Variants in ARSF observed in about 807,000 individuals in gnomAD.
ARSF encodes arylsulfatase F.
ARSF carries 33 observed loss-of-function variants against 35.4 expected under a neutral mutation model. That is an observed-to-expected ratio of 0.93 (90% CI 0.71 to 1.25). The LOEUF is 1.25. ARSF is among the 50% of genes most tolerant of loss of function. The pLI is 0.00. For synonymous variants in ARSF, 222 were observed against 193.1 expected, an observed-to-expected ratio of 1.15 and a Z score of -1.24; for missense variants, 501 against 480.2, an observed-to-expected ratio of 1.04 and a Z score of -0.40.
intron 9 of ARSF, among the ~76,000 whole-genome samples, 190 bp downstream of exon 9, chrX:3,104,114 T>C (rs1427260299): frequency 8.9e-6 from 1 of 111,925 alleles, no homozygotes; most frequent in East Asian, 2.8e-4. Context: ...TTTTTTTCTA[T>C]TGAGGTAAAA....
intron 1 of ARSF, among the ~76,000 whole-genome samples, chrX:3,050,262 G>A (rs2089991360): frequency 9.0e-6 from 1 of 111,199 alleles, no homozygotes; most frequent in Admixed American, 9.7e-5. Flanking sequence ...GAAAAATTGA[G>A]GCTGGGCATG....
intron 7 of ARSF, among the ~76,000 whole-genome samples, chrX:3,096,635 C>T (rs986556058): frequency 5.4e-5 from 6 of 111,694 alleles, no homozygotes; most frequent in African/African-American, 2.0e-4. Flanking sequence ...AAAAAGATAA[C>T]TACAAAAATT....
At chrX:3,086,900 C>CA (rs2090252793) in intron 6 of ARSF, among the ~76,000 whole-genome samples, 1 of 111,729 alleles carries the variant, frequency 9.0e-6, no homozygotes, top group South Asian at 3.8e-4. Flanking sequence ...GTAAGAAATC[C>CA]AAAATTAAAC....
chrX:3,079,622 G>C (rs1282124686), intron 4 of ARSF, among the ~76,000 whole-genome samples: 1 of 109,696 alleles, frequency 9.1e-6, no homozygotes, highest in Non-Finnish European at 1.9e-5. Flanking sequence ...GGGATTACAG[G>C]TGCGAGTCAC....
chrX:3,107,836 CT>C (rs1228956560), intron 9 of ARSF, among the ~76,000 whole-genome samples: 8 of 110,935 alleles, frequency 7.2e-5, no homozygotes, highest in South Asian at 7.5e-4. Flanking sequence ...GCTAATTTAT[CT>C]TTTTTTCTTT....
At chrX:3,084,980 T>A (rs1213861242) in intron 6 of ARSF, among the ~76,000 whole-genome samples, 1 of 111,249 alleles carries the variant, frequency 9.0e-6, no homozygotes, top group East Asian at 2.8e-4. Flanking sequence ...TAATAGGGGA[T>A]GATGGTATTA....
At chrX:3,110,295 G>T (rs773508160) in intron 10 of ARSF, 43 bp downstream of exon 10, 6 of 1,105,203 alleles carry the variant, frequency 5.4e-6, no homozygotes, top group Non-Finnish European at 6.0e-6. Context: ...GCCAGGAGCA[G>T]GGTCACTCAG....
chrX:3,085,328 T>C (rs2090239829), intron 6 of ARSF, among the ~76,000 whole-genome samples: 1 of 107,124 alleles, frequency 9.3e-6, no homozygotes, highest in African/African-American at 3.4e-5. Flanking sequence ...TTTTATAATA[T>C]TTTTTGTCTG....
intron 3 of ARSF, 104 bp downstream of exon 3, chrX:3,072,279 CT>C (rs201026706): frequency 5.7e-5 from 48 of 847,424 alleles, no homozygotes; most frequent in Admixed American, 7.0e-5. Flanking sequence ...TTTGTTGGGA[CT>C]TTTTTTTAAG....
At chrX:3,045,616 C>T (rs1274456159) in intron 1 of ARSF, among the ~76,000 whole-genome samples, 2 of 103,645 alleles carry the variant, frequency 1.9e-5, no homozygotes, top group Non-Finnish European at 3.9e-5. Context: ...AGTGCAATGG[C>T]GCCATCTCGG....
rs1466262989 is a variant in ARSF, at chrX:3,075,498, ATC to A, written c.162-1040_162-1039del. Among the ~76,000 whole-genome samples the A allele has an allele frequency of 1.3e-4, 11 of 83,854 alleles. No homozygotes were observed. In the East Asian group the frequency reaches 4.1e-3, roughly 31 times the overall value. 72.8% of individuals were successfully genotyped at this position (83,854 alleles called of 115,157 possible). On this transcript the variant is annotated intron_variant, in intron 3 of 10. Coordinates refer to ENST00000381127, the MANE Select transcript of ARSF (RefSeq NM_001201539.2). Reference sequence around the variant, plus strand: ...CCTCTCTGTCTGCTTGTCTCTTTCTATCTCTCTCTCTGTCTCTCTCTGTCTCC... The same window carrying A: ...CCTCTCTGTCTGCTTGTCTCTTTCTATCTCTCTCTGTCTCTCTCTGTCTCC...
intron 9 of ARSF, among the ~76,000 whole-genome samples, chrX:3,104,251 C>T (rs1051790953): frequency 1.7e-4 from 19 of 110,950 alleles, no homozygotes; most frequent in African/African-American, 5.9e-4. Context: ...CACTATTCTA[C>T]TTTCTATCTT....
In ARSF at chrX:3,101,231, G is replaced by A. The variant is rs749245807; in HGVS notation, c.1102+10G>A. On this transcript the variant is annotated intron_variant, in intron 8 of 10. Coordinates refer to ENST00000381127, the MANE Select transcript of ARSF (RefSeq NM_001201539.2). ...AATGGAATATACAAAGGTGAGGAGA[G>A]GAACTCATGCAAGTGATCTGGTGGT... 4.2e-6 allele frequency: 5 copies of A among 1,202,294 alleles called. No homozygotes were observed. In the African/African-American group the frequency reaches 5.3e-5, roughly 13 times the overall value.
chrX:3,106,248 G>C (rs1428926926), intron 9 of ARSF, among the ~76,000 whole-genome samples: 1 of 112,189 alleles, frequency 8.9e-6, no homozygotes, highest in East Asian at 2.8e-4. Flanking sequence ...CTAAGGCACT[G>C]TGGTGGGAGA....
upstream of ARSF, among the ~76,000 whole-genome samples, chrX:3,040,238 A>G (rs1039284775): frequency 4.5e-5 from 5 of 110,820 alleles, no homozygotes; most frequent in Non-Finnish European, 9.4e-5. Context: ...GGGCCTCAGA[A>G]AAGACTCAGA....
At chrX:3,110,342 C>A in intron 10 of ARSF, 90 bp downstream of exon 10, 1 of 926,667 alleles carries the variant, frequency 1.1e-6, no homozygotes, top group Non-Finnish European at 1.4e-6. Context: ...CCTCTCTAGA[C>A]CGGTCCTTTC....
chrX:3,056,586 C>A (rs1181809761), intron 1 of ARSF, among the ~76,000 whole-genome samples: 5 of 111,332 alleles, frequency 4.5e-5, no homozygotes, highest in Non-Finnish European at 9.4e-5. Context: ...AAGCATCATT[C>A]TTAATTTCAA....
At chrX:3,083,003 ACTCTAT>A (rs1484485828) in intron 5 of ARSF, among the ~76,000 whole-genome samples, 3 of 108,010 alleles carry the variant, frequency 2.8e-5, no homozygotes, top group African/African-American at 1.0e-4. Flanking sequence ...CCAACTACTC[ACTCTAT>A]CTCTATCATC....
chrX:3,047,086 G>A lies in ARSF; in HGVS notation c.-29+5423G>A, dbSNP rs1254623560. Among the ~76,000 whole-genome samples, 4 of 111,773 alleles carry A rather than the reference G, an allele frequency of 3.6e-5. No homozygotes were observed. The Admixed American group carries it at 3.8e-4, about 11-fold the overall frequency. Reference sequence around the variant, plus strand: ...GCCGTGGATTGGACAAGCTTGAAAAGGAATTGGTTCATCTTCTAGATTGGT... The same window carrying A: ...GCCGTGGATTGGACAAGCTTGAAAAAGAATTGGTTCATCTTCTAGATTGGT... On this transcript the variant is annotated intron_variant, in intron 1 of 10. Coordinates refer to ENST00000381127, the MANE Select transcript of ARSF (RefSeq NM_001201539.2).
Sources: allele counts gnomAD v4.1 joint callset (sites outside exome capture counted in the v4.1 genomes callset), GRCh38; gene constraint gnomAD v4.1.1; transcripts MANE v1.5; gene names NCBI Gene and HGNC (gene_info 2026-07-23, HGNC 2026-07-21).